Variants in IRAK4 observed in about 807,000 individuals in gnomAD.
IRAK4 encodes interleukin 1 receptor associated kinase 4, also known as interleukin-1 receptor-associated kinase 4.
Under a neutral mutation model 51.8 loss-of-function variants are expected in IRAK4, and 44 were observed. The ratio of observed to expected loss-of-function variants is 0.85; its 90% CI spans 0.67 to 1.09. The LOEUF is 1.09. Among genes scored for constraint, IRAK4 ranks in the 50% least tolerant of loss-of-function variants. The pLI, the probability that IRAK4 is intolerant of heterozygous loss-of-function variation, is 0.00. For missense variants in IRAK4, 487 were observed against 538.0 expected (o/e 0.91, Z 0.94); for synonymous variants, 149 against 174.1 (o/e 0.86, Z 1.13).
At chr12:43,760,984 G>A (rs915858847) in intron 1 of IRAK4, 1 of 151,900 alleles carries the variant, frequency 6.6e-6, no homozygotes, top group African/African-American at 2.4e-5. Flanking sequence ...TGAGTCAATG[G>A]TATTATATTT....
At position 43,782,345 on chromosome 12, in the gene IRAK4, T is replaced by C. The variant is rs1453692077; in HGVS notation, c.980T>C (p.Ile327Thr). The change falls in exon 9 of 12, where the codon ATA (isoleucine) becomes ACA (threonine). Residue 327 changes from isoleucine (I) to threonine (T), a missense_variant. Transcript: ENST00000613694. ...CTGGATGAAGCTTTTACTGCTAAAA[T>C]ATCTGACTTTGGCCTTGCACGGGCT... ...ILLDEAFTAK[I>T]SDFGLARASE... The C allele has an allele frequency of 6.2e-7, 1 of 1,613,822 alleles. No homozygotes were observed. The highest frequency in any genetic ancestry group is 8.5e-7 in the Non-Finnish European group (1 of 1,179,718).
chr12:43,781,597 C>T (rs1473707683), intron 8 of IRAK4, among the ~76,000 whole-genome samples: 1 of 152,042 alleles, frequency 6.6e-6, no homozygotes, highest in Non-Finnish European at 1.5e-5. Flanking sequence ...GAAATTTTTC[C>T]TACTTTTTCC....
intron 1 of IRAK4, among the ~76,000 whole-genome samples, chr12:43,761,740 A>G (rs1939580554): frequency 6.6e-6 from 1 of 152,206 alleles, no homozygotes; most frequent in South Asian, 2.1e-4. Context: ...TTATTAACAC[A>G]TTTGACAAGA....
chr12:43,771,196 G>C, intron 2 of IRAK4, 24 bp from the exon 3 acceptor site: 1 of 1,600,748 alleles, frequency 6.2e-7, no homozygotes, highest in Non-Finnish European at 8.6e-7. Context: ...GACTAATTTT[G>C]TTTCTTTGTT....
intron 10 of IRAK4, among the ~76,000 whole-genome samples, chr12:43,786,042 T>G (rs541011439): frequency 6.6e-6 from 1 of 150,612 alleles, no homozygotes; most frequent in African/African-American, 2.4e-5. Context: ...GTCTTCAATT[T>G]TTTTTTTTTT....
Position 43,777,834 on chromosome 12 carries a change from T to A in IRAK4, c.831+90T>A. ...TTGTTACTGGATTATTTAAACCAAA[T>A]TCACTTTCATATTTTTCCTGCTCTA... is the stretch of plus-strand genomic sequence containing the variant. On this transcript the variant is annotated intron_variant, in intron 7 of 11. Coordinates refer to ENST00000613694, the MANE Select transcript of IRAK4 (RefSeq NM_016123.4). 4.6e-6 allele frequency: 5 copies of A among 1,080,096 alleles called. No individual in the cohort carries two copies. In the South Asian group the frequency reaches 6.3e-5, roughly 14 times the overall value. The allele number at this position is 1,080,096 out of a possible 1,614,324, so 66.9% of individuals were successfully genotyped here. A position where few individuals can be genotyped will look rare whatever the true frequency, so the allele number is the denominator to read the frequency against.
chr12:43,762,536 A>C (rs186847144), intron 1 of IRAK4, among the ~76,000 whole-genome samples: 31 of 152,366 alleles, frequency 2.0e-4, no homozygotes, highest in Admixed American at 2.0e-3. Context: ...TTTCTTAATT[A>C]AAGTTAAAAA....
intron 6 of IRAK4, among the ~76,000 whole-genome samples, chr12:43,775,716 A>T (rs1941198100): frequency 6.6e-6 from 1 of 152,084 alleles, no homozygotes; most frequent in Non-Finnish European, 1.5e-5. Flanking sequence ...TTTATCATCT[A>T]GGGTAAAGTC....
intron 8 of IRAK4, among the ~76,000 whole-genome samples, chr12:43,780,660 C>T (rs1266609023): frequency 1.3e-5 from 2 of 151,870 alleles, no homozygotes; most frequent in Admixed American, 1.3e-4. Context: ...CAACCGTCGC[C>T]TCCCGGGTTC....
intron 1 of IRAK4, among the ~76,000 whole-genome samples, chr12:43,762,036 T>C (rs1939612323): frequency 7.2e-6 from 1 of 138,494 alleles, no homozygotes; most frequent in African/African-American, 3.3e-5. Flanking sequence ...TGACACTTTT[T>C]AAGTTTTTTT....
intron 2 of IRAK4, among the ~76,000 whole-genome samples, chr12:43,770,780 G>C (rs529147834): frequency 6.6e-6 from 1 of 152,184 alleles, no homozygotes; most frequent in South Asian, 2.1e-4. Flanking sequence ...GTCCCCAAAA[G>C]TTCATGTGTT....
At position 43,773,059 on chromosome 12, in the gene IRAK4, A is replaced by T. The variant is rs149453390; in HGVS notation, c.638A>T (p.Lys213Met). ...GYVNNTTVAV[K>M]KLAAMVDITT... The stretch of plus-strand genomic sequence containing the variant: ...GTAAATAACACAACTGTGGCAGTGA[A>T]GAAGCTTGCAGCAGTAAGTTATATT... Residue 213 changes from lysine to methionine, a missense_variant, in exon 5 of 12, where the codon AAG (lysine) becomes ATG (methionine). By Grantham distance (95) the Lys-to-Met change is moderately conservative (BLOSUM62 -1). Coordinates refer to ENST00000613694, the MANE Select transcript of IRAK4 (RefSeq NM_016123.4). 4 of 1,613,012 alleles carry T rather than the reference A, an allele frequency of 2.5e-6. No individual in the cohort carries two copies. Among genetic ancestry groups the T allele is most frequent in the Non-Finnish European group, 3.4e-6 (4 of 1,179,324 alleles).
intron 5 of IRAK4, among the ~76,000 whole-genome samples, chr12:43,773,296 A>G (rs1940967161): frequency 1.3e-5 from 2 of 152,162 alleles, no homozygotes; most frequent in Admixed American, 1.3e-4. Flanking sequence ...CATACATACA[A>G]TTTTGGGAGA....
chr12:43,761,354 T>A (rs928554591), intron 1 of IRAK4, among the ~76,000 whole-genome samples: 4 of 152,222 alleles, frequency 2.6e-5, no homozygotes, highest in African/African-American at 9.6e-5. Context: ...TTTGTACGCT[T>A]TCAGTAGATC....
chr12:43,778,203 C>T lies in IRAK4; in HGVS notation c.842C>T (p.Pro281Leu). ...TTATTTCTTTATAAGGATGGTACTC[C>T]ACCACTTTCTTGGCACATGAGATGC... The part of the protein sequence containing the change: ...LDRLSCLDGT[P>L]PLSWHMRCKI... Residue 281 changes from proline (P) to leucine (L), a missense_variant, in exon 8 of 12, where the codon CCA (proline) becomes CTA (leucine). Coordinates refer to ENST00000613694, the MANE Select transcript of IRAK4 (RefSeq NM_016123.4). The T allele has an allele frequency of 2.5e-6, 4 of 1,594,326 alleles. No homozygotes were observed. Among genetic ancestry groups the T allele is most frequent in the Non-Finnish European group, 3.4e-6 (4 of 1,162,332 alleles).
Position 43,778,245 on chromosome 12 carries a change from C to A in IRAK4, c.884C>A (p.Ala295Glu). ...WHMRCKIAQG[A>E]ANGINFLHEN... The stretch of plus-strand genomic sequence containing the variant: ...ATGAGATGCAAGATTGCTCAGGGTG[C>A]AGCTAATGGCATCAATTTTCTACAT... The change falls in exon 8 of 12, where the codon GCA becomes GAA. Residue 295 changes from alanine to glutamate, a missense_variant. Physicochemically the swap from Ala to Glu is moderately radical, Grantham distance 107 (BLOSUM62 -1). Transcript: ENST00000613694. 4 of 1,610,854 alleles carry A rather than the reference C, an allele frequency of 2.5e-6. No individual in the cohort carries two copies. The highest frequency in any genetic ancestry group is 3.4e-6 in the Non-Finnish European group (4 of 1,177,168).
At chr12:43,774,543 G>A (rs923904852) in intron 6 of IRAK4, among the ~76,000 whole-genome samples, 10 of 152,138 alleles carry the variant, frequency 6.6e-5, no homozygotes, top group South Asian at 2.1e-4. Context: ...ACGCCTGGCC[G>A]CAGTCATTAT....
intron 10 of IRAK4, among the ~76,000 whole-genome samples, chr12:43,785,597 A>G (rs1422723060): frequency 6.7e-6 from 1 of 149,136 alleles, no homozygotes; most frequent in Non-Finnish European, 1.5e-5. Flanking sequence ...TAAATAATTA[A>G]ATATACATTT....
At position 43,774,179 on chromosome 12, in the gene IRAK4, C is replaced by G. The variant is rs967967178; in HGVS notation, c.716+150C>G. ...GTTTAGATTAGAGAAATTGAAAGTACTTTTGGCTCCATAATTCTATGATTA... is the reference window on the plus strand; with the variant it reads ...GTTTAGATTAGAGAAATTGAAAGTAGTTTTGGCTCCATAATTCTATGATTA... On this transcript the variant is annotated intron_variant, in intron 6 of 11. Coordinates refer to ENST00000613694, the MANE Select transcript of IRAK4 (RefSeq NM_016123.4). The G allele has an allele frequency of 4.5e-6, 3 of 661,042 alleles. No homozygotes were observed. The African/African-American group carries it at 5.5e-5, about 12-fold the overall frequency. 40.9% of individuals were successfully genotyped at this position (661,042 alleles called of 1,614,324 possible).
Sources: allele counts gnomAD v4.1 joint callset (sites outside exome capture counted in the v4.1 genomes callset), GRCh38; gene constraint gnomAD v4.1.1; transcripts MANE v1.5; gene names NCBI Gene and HGNC (gene_info 2026-07-23, HGNC 2026-07-21).